Variants in FNDC3B observed in about 807,000 individuals in gnomAD.
The protein encoded by FNDC3B is fibronectin type III domain-containing protein 3B.
A neutral mutation model predicts 151.5 loss-of-function variants in FNDC3B; 12 were observed. That is an observed-to-expected ratio of 0.08 (90% CI 0.05 to 0.13). The LOEUF (loss-of-function observed/expected upper bound fraction) is 0.13. Among genes scored for constraint, FNDC3B ranks in the 10% least tolerant of loss-of-function variants. FNDC3B has a pLI of 1.00. For missense variants in FNDC3B, 1,214 were observed against 1,505.3 expected, an observed-to-expected ratio of 0.81 and a Z score of 3.20; for synonymous variants, 528 against 549.0, an observed-to-expected ratio of 0.96 and a Z score of 0.54.
intron 3 of FNDC3B, among the ~76,000 whole-genome samples, chr3:172,146,130 A>C (rs1721898950): frequency 6.6e-6 from 1 of 152,096 alleles, no homozygotes; most frequent in Non-Finnish European, 1.5e-5. Context: ...TTTTTTAAAA[A>C]CATTAATAAA....
intron 7 of FNDC3B, among the ~76,000 whole-genome samples, chr3:172,293,316 G>T (rs1360946910): frequency 6.6e-6 from 1 of 152,164 alleles, no homozygotes; most frequent in African/African-American, 2.4e-5. Flanking sequence ...CAGCATCGTG[G>T]TGCAGATGGG....
chr3:172,059,163 CTT>C (rs1296066672), intron 1 of FNDC3B, among the ~76,000 whole-genome samples: 4 of 152,048 alleles, frequency 2.6e-5, no homozygotes, highest in African/African-American at 4.8e-5. Flanking sequence ...ACTAGTGTAA[CTT>C]ATATGTGTGT....
chr3:172,252,563 A>T (rs1176619470), intron 6 of FNDC3B, among the ~76,000 whole-genome samples: 1 of 151,752 alleles, frequency 6.6e-6, no homozygotes, highest in Non-Finnish European at 1.5e-5. Context: ...GTCTGTGAGA[A>T]TGTGATTGTG....
At chr3:172,342,724 G>A (rs1733388597) in intron 17 of FNDC3B, among the ~76,000 whole-genome samples, 1 of 151,208 alleles carries the variant, frequency 6.6e-6, no homozygotes, top group African/African-American at 2.4e-5. Context: ...GAAAAGAATT[G>A]TGTGCTTAGG....
At chr3:172,072,183 A>T (rs893695301) in intron 1 of FNDC3B, among the ~76,000 whole-genome samples, 3 of 148,660 alleles carry the variant, frequency 2.0e-5, no homozygotes, top group Non-Finnish European at 4.4e-5. Flanking sequence ...GTGGCTGTTG[A>T]TTACTCAAAT....
At position 172,043,834 on chromosome 3, in the gene FNDC3B, A is replaced by G. The variant is rs116544259; in HGVS notation, c.-29+4063A>G. ...TAGGAATTGTGCATAGGAATTGCTG[A>G]AAAAGTAGTCAGAACTTGTTGGTTA... is the stretch of plus-strand genomic sequence containing the variant. On this transcript the variant is annotated intron_variant, in intron 1 of 25. Transcript: ENST00000415807. Among the ~76,000 whole-genome samples, 161 of 152,342 alleles carry G rather than the reference A, an allele frequency of 1.1e-3. 1 individual carries two copies. The highest frequency in any genetic ancestry group is 3.7e-3 in the African/African-American group (154 of 41,580).
At chr3:172,218,400 G>T (rs1213847015) in intron 3 of FNDC3B, among the ~76,000 whole-genome samples, 1 of 152,096 alleles carries the variant, frequency 6.6e-6, no homozygotes, top group Non-Finnish European at 1.5e-5. Flanking sequence ...TCAAGAGGAG[G>T]ATATTCTTGC....
At position 172,344,070 on chromosome 3, in the gene FNDC3B, A is replaced by T. The variant is rs201413009; in HGVS notation, c.2078-16A>T. ...GCACAAAGTGTTCTAAGATGAAAAA[A>T]ATTCTTCATTCCCAGATGTTCCTGC... On this transcript the variant is annotated splice_polypyrimidine_tract_variant and intron_variant, in intron 18 of 25. Transcript: ENST00000415807. 1.4e-5 allele frequency: 22 copies of T among 1,599,134 alleles called. No individual in the cohort carries two copies. The highest frequency in any genetic ancestry group is 1.7e-5 in the Admixed American group (1 of 57,954).
intron 23 of FNDC3B, 31 bp from the exon 24 acceptor site, chr3:172,378,239 G>A (rs188114892): frequency 6.5e-7 from 1 of 1,545,036 alleles, no homozygotes; most frequent in East Asian, 2.3e-5. Context: ...TAGACGTTCA[G>A]ATGGCTAATT....
chr3:172,288,452 T>A (rs1340565343), intron 7 of FNDC3B, among the ~76,000 whole-genome samples: 1 of 152,234 alleles, frequency 6.6e-6, no homozygotes, highest in Non-Finnish European at 1.5e-5. Context: ...AATGAGAAAT[T>A]CAGTCAAAAG....
chr3:172,062,434 C>G (rs556181757), intron 1 of FNDC3B, among the ~76,000 whole-genome samples: 29 of 152,072 alleles, frequency 1.9e-4, no homozygotes, highest in African/African-American at 6.5e-4. Flanking sequence ...GCCTCAGCCT[C>G]CCGAGTAGCT....
intron 3 of FNDC3B, among the ~76,000 whole-genome samples, chr3:172,147,814 C>T (rs1721995910): frequency 1.3e-5 from 2 of 152,084 alleles, no homozygotes; most frequent in South Asian, 2.1e-4. Flanking sequence ...AGGGTATTTA[C>T]AGAAGTTGTA....
intron 2 of FNDC3B, among the ~76,000 whole-genome samples, chr3:172,132,170 G>A (rs565119419): frequency 1.4e-4 from 21 of 152,244 alleles, no homozygotes; most frequent in African/African-American, 2.2e-4. Context: ...ATGAATAGAC[G>A]TTGGTTGAGG....
chr3:172,153,856 G>T (rs1455802892), intron 3 of FNDC3B, among the ~76,000 whole-genome samples: 5 of 152,096 alleles, frequency 3.3e-5, no homozygotes, highest in Non-Finnish European at 7.4e-5. Context: ...GTGGCGATGT[G>T]AGCTCTTAGC....
At chr3:172,182,197 G>A (rs142901004) in intron 3 of FNDC3B, among the ~76,000 whole-genome samples, 274 of 152,346 alleles carry the variant, frequency 1.8e-3, no homozygotes, top group African/African-American at 6.0e-3. Flanking sequence ...ATGAGAAGCA[G>A]CAAGTGAAGG....
chr3:172,172,134 A>G (rs1398944547), intron 3 of FNDC3B, among the ~76,000 whole-genome samples: 1 of 152,184 alleles, frequency 6.6e-6, no homozygotes, highest in Non-Finnish European at 1.5e-5. Context: ...ATCATTTAGC[A>G]GCTCTTACTG....
intron 24 of FNDC3B, 143 bp downstream of exon 24, chr3:172,378,579 A>T (rs1245308421): frequency 2.0e-5 from 16 of 803,990 alleles, no homozygotes; most frequent in Non-Finnish European, 2.9e-5. Flanking sequence ...TTGAGCAATG[A>T]TGGGTTGTCT....
intron 14 of FNDC3B, among the ~76,000 whole-genome samples, chr3:172,333,641 G>A (rs2108293216): frequency 6.6e-6 from 1 of 152,026 alleles, no homozygotes; most frequent in South Asian, 2.1e-4. Context: ...ACTGCGCCTG[G>A]CCCATGCTTT....
intron 22 of FNDC3B, among the ~76,000 whole-genome samples, chr3:172,358,608 G>A (rs1317742549): frequency 6.6e-6 from 1 of 152,200 alleles, no homozygotes; most frequent in African/African-American, 2.4e-5. Context: ...ACCTGTCCCT[G>A]TGCCAGCACT....
Sources: gnomAD v4.1 joint callset for allele counts (sites outside exome capture counted in the v4.1 genomes callset) on GRCh38, gnomAD v4.1.1 for gene constraint, MANE v1.5 for transcripts, NCBI Gene and HGNC (gene_info 2026-07-23, HGNC 2026-07-21) for gene names.